The following CDK7 variants were observed in gnomAD, a reference collection of about 807,000 sequenced individuals.
CDK7 encodes cyclin-dependent kinase 7.
CDK7 carries 25 observed loss-of-function variants against 49.1 expected under a neutral mutation model. The observed-to-expected ratio is 0.51, with a 90% CI of 0.37 to 0.71. CDK7 has a LOEUF of 0.71. Ranked by LOEUF, CDK7 falls within the 30% of genes least tolerant of loss-of-function variation. The probability of loss-of-function intolerance (pLI) is 0.00; values close to 1 mark genes in which losing one functional copy is unlikely to be tolerated. For synonymous variants in CDK7, 107 were observed against 140.0 expected (o/e 0.76, Z 1.67); for missense variants, 316 against 411.7 (o/e 0.77, Z 2.01).
In CDK7 at chr5:69,276,595, AGCT is replaced by A. The variant is rs1561382778; in HGVS notation, c.920_922del (p.Leu307del). On this transcript the variant is annotated inframe_deletion, in exon 11 of 12. Coordinates refer to ENST00000256443, the MANE Select transcript of CDK7 (RefSeq NM_001799.4). ...CGGCCAGGGCCAACACCTGGATGTC[AGCT>A]GCCAAGACCAAACTGTCCAGTGGAA... 1 of 1,613,928 alleles carries A rather than the reference AGCT, an allele frequency of 6.2e-7. No homozygotes were observed. The highest frequency in any genetic ancestry group is 1.3e-5 in the African/African-American group (1 of 75,080).
chr5:69,264,755 A>AGGTTGGG (rs1561369214), intron 8 of CDK7, among the ~76,000 whole-genome samples: 5 of 151,342 alleles, frequency 3.3e-5, no homozygotes, highest in African/African-American at 1.2e-4. Flanking sequence ...TGGATCACCC[A>AGGTTGGG]AGGTTGGGAG....
At chr5:69,241,308 TTTTTTC>T (rs562606718) in intron 2 of CDK7, among the ~76,000 whole-genome samples, 23,384 of 69,306 alleles carry the variant, frequency 0.34, 3,034 homozygotes, top group South Asian at 0.42. Flanking sequence ...TCATTGTAGG[TTTTTTC>T]TTTTTTTTTT....
intron 7 of CDK7, 38 bp downstream of exon 7, chr5:69,259,974 T>C: frequency 7.9e-7 from 1 of 1,264,926 alleles, no homozygotes; most frequent in Non-Finnish European, 1.2e-6. Flanking sequence ...AGGAGTTTGA[T>C]CAGAAATGAG....
chr5:69,273,439 T>G (rs1402819839), intron 10 of CDK7, among the ~76,000 whole-genome samples: 4 of 152,226 alleles, frequency 2.6e-5, no homozygotes, highest in Admixed American at 1.3e-4. Flanking sequence ...TTTGTTCGGC[T>G]TATTTTTTCT....
chr5:69,241,910 A>G (rs1469446133), intron 2 of CDK7, among the ~76,000 whole-genome samples: 4 of 151,956 alleles, frequency 2.6e-5, no homozygotes, highest in Non-Finnish European at 4.4e-5. Flanking sequence ...TCTTAACTTG[A>G]TGTGATCCCA....
Position 69,236,168 on chromosome 5 carries a change from G to A in CDK7, c.126+715G>A, listed in dbSNP as rs141897958. The stretch of plus-strand genomic sequence containing the variant: ...AGGCAGGAGAATCACTTGAACCTGG[G>A]AGGTGGAGGTTGTAATGAGCCGAGA... On this transcript the variant is annotated intron_variant, in intron 2 of 11. Coordinates refer to ENST00000256443, the MANE Select transcript of CDK7 (RefSeq NM_001799.4). 8.2e-3 allele frequency among the ~76,000 whole-genome samples: 1,251 copies of A among 151,972 alleles called. 48 individuals are homozygous for A. The highest frequency in any genetic ancestry group is 0.075 in the Admixed American group (1,148 of 15,236).
At chr5:69,264,596 C>T (rs1751025985) in intron 8 of CDK7, among the ~76,000 whole-genome samples, 1 of 152,180 alleles carries the variant, frequency 6.6e-6, no homozygotes, top group Non-Finnish European at 1.5e-5. Context: ...CAACAGAAAA[C>T]AAGGAAAATG....
chr5:69,252,494 CTTTTTTTTTTTTTTTTTTTT>C, intron 3 of CDK7, 43 bp downstream of exon 3: 2 of 362,892 alleles, frequency 5.5e-6, no homozygotes, highest in Non-Finnish European at 9.2e-6. Flanking sequence ...AAGTTTTCTC[CTTTTTTTTTTTTTTTTTTTT>C]TTTTTTTTTT....
chr5:69,252,231 C>G (rs548745783), intron 2 of CDK7, among the ~76,000 whole-genome samples, 187 bp from the exon 3 acceptor site: 6 of 151,990 alleles, frequency 3.9e-5, no homozygotes, highest in Non-Finnish European at 7.4e-5. Context: ...ATTTGATTCT[C>G]TCTTATATTG....
intron 5 of CDK7, among the ~76,000 whole-genome samples, chr5:69,256,639 C>G (rs1750510402): frequency 6.6e-6 from 1 of 152,100 alleles, no homozygotes; most frequent in Admixed American, 6.5e-5. Flanking sequence ...CCATGCCCGG[C>G]CTCTTTCTTT....
chr5:69,256,265 C>T (rs956270769), intron 5 of CDK7, among the ~76,000 whole-genome samples: 4 of 152,134 alleles, frequency 2.6e-5, no homozygotes, highest in Admixed American at 2.0e-4. Context: ...CTCAGCTTTA[C>T]AAATTATATT....
At chr5:69,269,695 C>T (rs1244605270) in intron 9 of CDK7, among the ~76,000 whole-genome samples, 2 of 151,874 alleles carry the variant, frequency 1.3e-5, no homozygotes, top group African/African-American at 2.4e-5. Context: ...CACACATGCA[C>T]ACATGTAGGT....
At chr5:69,247,648 T>C (rs1749845800) in intron 2 of CDK7, among the ~76,000 whole-genome samples, 1 of 152,172 alleles carries the variant, frequency 6.6e-6, no homozygotes, top group South Asian at 2.1e-4. Context: ...TTGTGGTCTT[T>C]CCTTCCTTCT....
intron 2 of CDK7, among the ~76,000 whole-genome samples, chr5:69,249,670 A>C (rs1230995196): frequency 6.6e-6 from 1 of 152,194 alleles, no homozygotes; most frequent in Non-Finnish European, 1.5e-5. Flanking sequence ...AACATGGTGA[A>C]GCCTCGTCTC....
chr5:69,262,500 C>A (rs1026521289), intron 8 of CDK7, among the ~76,000 whole-genome samples, 196 bp downstream of exon 8: 7 of 151,980 alleles, frequency 4.6e-5, no homozygotes, highest in African/African-American at 1.7e-4. Context: ...GAAACCCCAT[C>A]TCTACTAAAA....
intron 1 of CDK7, 26 bp from the exon 2 acceptor site, chr5:69,235,368 T>C: frequency 1.3e-6 from 2 of 1,519,404 alleles, no homozygotes; most frequent in East Asian, 2.2e-5. Flanking sequence ...CCCATAAACT[T>C]ATGTTATTTC....
In CDK7 at chr5:69,269,380, T is replaced by G. The variant is rs560125018; in HGVS notation, c.714+87T>G. 7.1e-5 allele frequency: 58 copies of G among 822,442 alleles called. No homozygotes were observed. The African/African-American group carries it at 9.8e-4, about 14-fold the overall frequency. 50.9% of individuals were successfully genotyped at this position (822,442 alleles called of 1,614,324 possible). ...ATATACTTTATATAGTGCTGTCACGTGAATATTAAAGACATTCATTATAAT... is the reference window on the plus strand; with the variant it reads ...ATATACTTTATATAGTGCTGTCACGGGAATATTAAAGACATTCATTATAAT... On this transcript the variant is annotated intron_variant, in intron 9 of 11. Transcript: ENST00000256443.
intron 9 of CDK7, 93 bp downstream of exon 9, chr5:69,269,386 T>C (rs1323566683): frequency 1.2e-5 from 9 of 756,578 alleles, no homozygotes; most frequent in Non-Finnish European, 1.7e-5. Context: ...CACGTGAATA[T>C]TAAAGACATT....
At chr5:69,246,027 T>C (rs1749730771) in intron 2 of CDK7, among the ~76,000 whole-genome samples, 1 of 152,208 alleles carries the variant, frequency 6.6e-6, no homozygotes, top group South Asian at 2.1e-4. Flanking sequence ...CTGCCTGGCA[T>C]GTACCAAAAA....
Sources: allele counts gnomAD v4.1 joint callset (sites outside exome capture counted in the v4.1 genomes callset), GRCh38; gene constraint gnomAD v4.1.1; transcripts MANE v1.5; gene names NCBI Gene and HGNC (gene_info 2026-07-23, HGNC 2026-07-21).